Variants in FILIP1 observed in about 807,000 individuals in gnomAD.
FILIP1 encodes the protein filamin-A-interacting protein 1.
A neutral mutation model predicts 102.1 loss-of-function variants in FILIP1; 61 were observed. That is an observed-to-expected ratio of 0.60 (90% CI 0.49 to 0.74). The LOEUF is 0.74. Ranked by LOEUF, FILIP1 falls within the 30% of genes least tolerant of loss-of-function variation. The pLI, the probability that FILIP1 is intolerant of heterozygous loss-of-function variation, is 0.00. For synonymous variants in FILIP1, 491 were observed against 526.9 expected, an observed-to-expected ratio of 0.93 and a Z score of 0.93; for missense variants, 1,314 against 1,441.2, an observed-to-expected ratio of 0.91 and a Z score of 1.43.
At chr6:75,385,168 T>G (rs1776046156) in intron 2 of FILIP1, among the ~76,000 whole-genome samples, 1 of 152,124 alleles carries the variant, frequency 6.6e-6, no homozygotes, top group South Asian at 2.1e-4. Flanking sequence ...GGAATACAAC[T>G]AATTGGTTCT....
At chr6:75,444,763 T>C (rs576456227) in intron 1 of FILIP1, among the ~76,000 whole-genome samples, 35 of 152,218 alleles carry the variant, frequency 2.3e-4, no homozygotes, top group Non-Finnish European at 4.6e-4. Flanking sequence ...CATTTTTAAA[T>C]TAAACTAACT....
intron 4 of FILIP1, among the ~76,000 whole-genome samples, chr6:75,335,858 C>T (rs1184093233): frequency 6.6e-6 from 1 of 152,124 alleles, no homozygotes; most frequent in African/African-American, 2.4e-5. Flanking sequence ...TTTCTTACAT[C>T]CCTAATGTTC....
Position 75,444,811 on chromosome 6 carries a change from G to GA in FILIP1, c.-6-29834dup, listed in dbSNP as rs1562609504. ...TCCTGTGTATATGTGTATTTGTAGA[G>GA]AAAAAAATTCATAAGTTCTAGCCCA... On this transcript the variant is annotated intron_variant, in intron 1 of 5. Transcript: ENST00000237172. Among the ~76,000 whole-genome samples, 4 of 152,094 alleles carry GA rather than the reference G, an allele frequency of 2.6e-5. 1 individual carries two copies. The highest frequency in any genetic ancestry group is 4.4e-5 in the Non-Finnish European group (3 of 68,010).
At chr6:75,359,417 A>C (rs1775108615) in intron 3 of FILIP1, among the ~76,000 whole-genome samples, 1 of 152,202 alleles carries the variant, frequency 6.6e-6, no homozygotes, top group Non-Finnish European at 1.5e-5. Context: ...GCGTCAGATA[A>C]GTCCAAATGT....
At chr6:75,333,247 C>T (rs1301253553) in intron 4 of FILIP1, among the ~76,000 whole-genome samples, 1 of 151,936 alleles carries the variant, frequency 6.6e-6, no homozygotes, top group Non-Finnish European at 1.5e-5. Context: ...TAAAATTTTG[C>T]TAAATTTTTT....
At position 75,312,477 on chromosome 6, in the gene FILIP1, G is replaced by T. The variant is rs200365491; in HGVS notation, c.3355C>A (p.Arg1119=). Residue 1119 remains arginine (R), a synonymous_variant, in exon 5 of 6, where the codon CGG becomes AGG. Coordinates refer to ENST00000237172, the MANE Select transcript of FILIP1 (RefSeq NM_015687.5). ...LRSPRNHLSS[R]PGASKVTSTI... ...CTCGTCACTTTGCTTGCACCAGGCC[G>T]TGAGGAGAGGTGATTCCTGGGAGAG... 2 of 1,614,166 alleles carry T rather than the reference G, an allele frequency of 1.2e-6. No homozygotes were observed. The highest frequency in any genetic ancestry group is 1.7e-6 in the Non-Finnish European group (2 of 1,180,042).
intron 2 of FILIP1, chr6:75,384,737 G>A (rs889169313): frequency 1.3e-5 from 2 of 151,376 alleles, no homozygotes; most frequent in Non-Finnish European, 2.9e-5. Flanking sequence ...CCAAGCCTTA[G>A]TGGACCATTT....
intron 1 of FILIP1, among the ~76,000 whole-genome samples, chr6:75,467,904 C>G (rs1018776438): frequency 6.6e-6 from 1 of 152,204 alleles, no homozygotes; most frequent in Non-Finnish European, 1.5e-5. Flanking sequence ...GCAGTAGGAA[C>G]AGCAAGGTTG....
chr6:75,313,434 C>T lies in FILIP1; in HGVS notation c.2398G>A (p.Val800Met), dbSNP rs1773287215. The T allele has an allele frequency of 3.7e-6, 6 of 1,614,098 alleles. No individual in the cohort carries two copies. Among genetic ancestry groups the T allele is most frequent in the Non-Finnish European group, 5.1e-6 (6 of 1,180,048 alleles). The change falls in exon 5 of 6, where the codon GTG becomes ATG. Residue 800 changes from valine (V) to methionine (M), a missense_variant. Coordinates refer to ENST00000237172, the MANE Select transcript of FILIP1 (RefSeq NM_015687.5). This position sits in a 1 kb window ranked among gnomAD's most constrained non-coding sequence, Gnocchi z 4.2. The part of the protein sequence containing the change: ...VNGRRMVDVP[V>M]TSTGVQTDAV... ...TCAGTTTGGACTCCAGTTGACGTCA[C>T]AGGAACATCCACCATTCTTCTTCCA...
intron 2 of FILIP1, among the ~76,000 whole-genome samples, chr6:75,372,674 A>G (rs1489465309): frequency 1.6e-5 from 1 of 63,292 alleles, no homozygotes. Context: ...AGAAAGAAAG[A>G]AAGAAAGAAA....
At chr6:75,333,016 C>T (rs1774131008) in intron 4 of FILIP1, among the ~76,000 whole-genome samples, 3 of 152,178 alleles carry the variant, frequency 2.0e-5, no homozygotes, top group African/African-American at 7.2e-5. Context: ...TACTACTAAT[C>T]TAATTTGTCT....
chr6:75,435,229 C>T (rs1777976382), intron 1 of FILIP1, among the ~76,000 whole-genome samples: 3 of 152,180 alleles, frequency 2.0e-5, no homozygotes, highest in Admixed American at 6.5e-5. Flanking sequence ...TTAATGTAGC[C>T]TTTTAAAAAA....
intron 2 of FILIP1, among the ~76,000 whole-genome samples, chr6:75,413,337 T>C (rs1777138862): frequency 1.3e-5 from 2 of 152,266 alleles, no homozygotes; most frequent in Middle Eastern, 3.4e-3. Context: ...CAACCAATGT[T>C]AATAGACAAA....
chr6:75,307,379 C>T (rs1364512782), downstream of FILIP1, among the ~76,000 whole-genome samples: 2 of 152,076 alleles, frequency 1.3e-5, no homozygotes, highest in Non-Finnish European at 2.9e-5. Context: ...CAGGTGCTAT[C>T]CATATAATTT....
intron 1 of FILIP1, among the ~76,000 whole-genome samples, chr6:75,453,112 G>A (rs781376518): frequency 2.6e-5 from 4 of 152,194 alleles, no homozygotes; most frequent in South Asian, 2.1e-4. Flanking sequence ...ATTACCCTAA[G>A]CTGGTCATCT....
At chr6:75,471,093 G>C (rs1042900938) in intron 1 of FILIP1, among the ~76,000 whole-genome samples, 2 of 150,576 alleles carry the variant, frequency 1.3e-5, no homozygotes. Flanking sequence ...CCGGGAGGTG[G>C]AGGTTGCAGT....
At chr6:75,409,456 C>T (rs1282649551) in intron 2 of FILIP1, among the ~76,000 whole-genome samples, 1 of 152,106 alleles carries the variant, frequency 6.6e-6, no homozygotes, top group Middle Eastern at 3.2e-3. Context: ...GCAGGCTGAC[C>T]TCACTCACTC....
chr6:75,354,277 T>C (rs1038364774), intron 3 of FILIP1, among the ~76,000 whole-genome samples: 15 of 152,146 alleles, frequency 9.9e-5, no homozygotes, highest in African/African-American at 3.6e-4. Flanking sequence ...ACATTTAGTA[T>C]TTTTAAAACT....
Position 75,314,585 on chromosome 6 carries a change from T to C in FILIP1, c.1247A>G (p.His416Arg). Residue 416 changes from histidine to arginine, a missense_variant, in exon 5 of 6, where the codon CAC (histidine) becomes CGC (arginine). This residue lies in a region of FILIP1 where 494 missense variants were observed against 511.2 expected (regional missense o/e 0.97). Transcript: ENST00000237172. ...TTCAAGTCTGAGCTCCTTACTATGG[T>C]GTTCTTCCTCTTGCAGCTTCTTCCT... ...ELRKKLQEEE[H>R]HSKELRLEVE... 6.2e-7 allele frequency: 1 copy of C among 1,613,932 alleles called. No individual in the cohort carries two copies. The highest frequency in any genetic ancestry group is 8.5e-7 in the Non-Finnish European group (1 of 1,179,972).
Sources: allele counts gnomAD v4.1 joint callset (sites outside exome capture counted in the v4.1 genomes callset), GRCh38; gene constraint gnomAD v4.1.1; regional missense constraint gnomAD v4.1.1; non-coding constraint Gnocchi (gnomAD v3.1); transcripts MANE v1.5; gene names NCBI Gene and HGNC (gene_info 2026-07-23, HGNC 2026-07-21).